Variants in ESAM observed in about 807,000 individuals in gnomAD.
ESAM encodes endothelial cell adhesion molecule.
ESAM carries 23 observed loss-of-function variants against 31.8 expected under a neutral mutation model. The observed-to-expected ratio is 0.72, with a 90% CI of 0.52 to 1.03. The LOEUF (loss-of-function observed/expected upper bound fraction) is 1.03. Among genes scored for constraint, ESAM ranks in the 50% least tolerant of loss-of-function variants. The pLI, the probability that ESAM is intolerant of heterozygous loss-of-function variation, is 0.00. For synonymous variants in ESAM, 216 were observed against 207.2 expected, an observed-to-expected ratio of 1.04 and a Z score of -0.37; for missense variants, 478 against 488.9, an observed-to-expected ratio of 0.98 and a Z score of 0.21.
Position 124,753,708 on chromosome 11 carries a change from T to C in ESAM, c.1111A>G (p.Ser371Gly), listed in dbSNP as rs1196905737. 6.2e-7 allele frequency: 1 copy of C among 1,613,980 alleles called. No homozygotes were observed. The highest frequency in any genetic ancestry group is 8.5e-7 in the Non-Finnish European group (1 of 1,180,028). ...ATCACAGGCACAGCACCCATGCGGC[T>C]CAAGCCAGAGGAAGAAACCCCACCA... ...IPGGVSSSGL[S>G]RMGAVPVMVP... The change falls in exon 7 of 7, where the codon AGC becomes GGC. Residue 371 changes from serine (S) to glycine (G), a missense_variant. Physicochemically the swap from Ser to Gly is moderately conservative, Grantham distance 56 (BLOSUM62 0). Transcript: ENST00000278927.
chr11:124,755,721 A>G (rs750320003), intron 4 of ESAM, among the ~76,000 whole-genome samples: 30 of 152,226 alleles, frequency 2.0e-4, no homozygotes, highest in Non-Finnish European at 4.0e-4. Flanking sequence ...AATCTCCAAA[A>G]AAGCAGTACG....
At chr11:124,755,767 A>G (rs1352761454) in intron 4 of ESAM, among the ~76,000 whole-genome samples, 1 of 152,270 alleles carries the variant, frequency 6.6e-6, no homozygotes, top group Non-Finnish European at 1.5e-5. Flanking sequence ...TGCCACGCCT[A>G]GGAAATTAAT....
chr11:124,758,206 G>T, intron 2 of ESAM, 143 bp downstream of exon 2: 1 of 896,508 alleles, frequency 1.1e-6, no homozygotes, highest in Non-Finnish European at 1.7e-6. Flanking sequence ...AACAAAAACT[G>T]AACTGGTGAA....
In ESAM at chr11:124,753,689, G is replaced by C. The variant is rs763548469; in HGVS notation, c.1130C>G (p.Pro377Arg). The C allele has an allele frequency of 1.2e-6, 2 of 1,613,888 alleles. No individual in the cohort carries two copies. Among genetic ancestry groups the C allele is most frequent in the Non-Finnish European group, 1.7e-6 (2 of 1,180,052 alleles). Reference protein sequence around the residue: ...SSGLSRMGAVPVMVPAQSQAG... With the variant: ...SSGLSRMGAVRVMVPAQSQAG... Reference sequence around the variant, plus strand: ...TTGACTCTGGGCAGGCACCATCACAGGCACAGCACCCATGCGGCTCAAGCC... The same window carrying C: ...TTGACTCTGGGCAGGCACCATCACACGCACAGCACCCATGCGGCTCAAGCC... Residue 377 changes from proline to arginine, a missense_variant, in exon 7 of 7, where the codon CCT (proline) becomes CGT (arginine). By Grantham distance (103) the Pro-to-Arg change is moderately radical. Transcript: ENST00000278927.
chr11:124,753,353 G>T lies in ESAM; in HGVS notation c.*293C>A. The T allele has an allele frequency of 2.4e-6, 1 of 413,876 alleles. No homozygotes were observed. The highest frequency in any genetic ancestry group is 4.4e-6 in the Non-Finnish European group (1 of 228,008). 25.6% of individuals were successfully genotyped at this position (413,876 alleles called of 1,614,324 possible). A position where few individuals can be genotyped will look rare whatever the true frequency, so the allele number is the denominator to read the frequency against. ...GGGGGCCTGGGAGACTCAGTGACTG[G>T]AAGTCTCTGCCCCTCACTCTTGGTG... is the stretch of plus-strand genomic sequence containing the variant. On this transcript the variant is annotated 3_prime_UTR_variant, in exon 7 of 7. Coordinates refer to ENST00000278927, the MANE Select transcript of ESAM (RefSeq NM_138961.3).
rs746274223 is a variant in ESAM, at chr11:124,756,351, G to T, written c.463C>A (p.Pro155Thr). Residue 155 changes from proline (P) to threonine (T), a missense_variant, in exon 4 of 7, where the codon CCT becomes ACT. Pro to Thr is a conservative substitution (Grantham distance 38). Transcript: ENST00000278927. ...LELNVLVPPA[P>T]PSCRLQGVPH... Reference sequence around the variant, plus strand: ...ACACCCTGGAGACGGCAGGATGGAGGAGCTGGAGGAACTGGGCAGGGGGAG... The same window carrying T: ...ACACCCTGGAGACGGCAGGATGGAGTAGCTGGAGGAACTGGGCAGGGGGAG... The T allele has an allele frequency of 6.2e-7, 1 of 1,604,920 alleles. No homozygotes were observed.
intron 2 of ESAM, 190 bp from the exon 3 acceptor site, chr11:124,756,932 C>G (rs1029863608): frequency 1.6e-6 from 1 of 609,262 alleles, no homozygotes; most frequent in African/African-American, 1.8e-5. Context: ...GTCCTCTTCA[C>G]CAGAACAGTT....
rs1944122587 is a variant in ESAM, at chr11:124,753,872, G to A, written c.947C>T (p.Ala316Val). ...GCCATGGGGTGGCCGGAGGGCTCGT[G>A]CGGAGGTGACAGAGGAAAGGGTCCC... The part of the protein sequence containing the change: ...KNGTLSSVTS[A>V]RALRPPHGPP... Residue 316 changes from alanine (A) to valine (V), a missense_variant, in exon 7 of 7, where the codon GCA becomes GTA. Ala to Val is a moderately conservative substitution (Grantham distance 64, BLOSUM62 0). Coordinates refer to ENST00000278927, the MANE Select transcript of ESAM (RefSeq NM_138961.3). The A allele has an allele frequency of 6.2e-7, 1 of 1,613,992 alleles. No homozygotes were observed. Among genetic ancestry groups the A allele is most frequent in the African/African-American group, 1.3e-5 (1 of 74,936 alleles).
Position 124,754,736 on chromosome 11 carries a change from G to A in ESAM, c.635C>T (p.Thr212Ile). ...LDVIRGSLSL[T>I]NLSSSMAGVY... ...TCCAGCCATGGAAGACGAAAGGTTG[G>A]TGAGGCTTAAAGACCCACGGATGAC... is the stretch of plus-strand genomic sequence containing the variant. Residue 212 changes from threonine (T) to isoleucine (I), a missense_variant, in exon 5 of 7, where the codon ACC (threonine) becomes ATC (isoleucine). By Grantham distance (89) the Thr-to-Ile change is moderately conservative. Transcript: ENST00000278927. This position sits in a 1 kb window ranked among gnomAD's most constrained non-coding sequence, Gnocchi z 4.5. 1 of 1,614,044 alleles carries A rather than the reference G, an allele frequency of 6.2e-7. No individual in the cohort carries two copies. The highest frequency in any genetic ancestry group is 1.1e-5 in the South Asian group (1 of 91,058).
intron 4 of ESAM, 85 bp downstream of exon 4, chr11:124,756,122 C>T (rs1420227523): frequency 1.3e-6 from 2 of 1,576,292 alleles, no homozygotes. Flanking sequence ...AGCCTTGGCT[C>T]CCCTTTTCAC....
rs1944135213 is a variant in ESAM, at chr11:124,754,727, G to A, written c.644C>T (p.Ser215Leu). 1.2e-6 allele frequency: 2 copies of A among 1,614,016 alleles called. No individual in the cohort carries two copies. Among genetic ancestry groups the A allele is most frequent in the East Asian group, 2.2e-5 (1 of 44,870 alleles). Reference sequence around the variant, plus strand: ...GACATAGACTCCAGCCATGGAAGACGAAAGGTTGGTGAGGCTTAAAGACCC... The same window carrying A: ...GACATAGACTCCAGCCATGGAAGACAAAAGGTTGGTGAGGCTTAAAGACCC... The part of the protein sequence containing the change: ...IRGSLSLTNL[S>L]SSMAGVYVCK... The change falls in exon 5 of 7, where the codon TCG becomes TTG. Residue 215 changes from serine to leucine, a missense_variant. Physicochemically the swap from Ser to Leu is moderately radical, Grantham distance 145 (BLOSUM62 -2). Transcript: ENST00000278927. The surrounding 1 kb of genome is among the most constrained non-coding windows in gnomAD (Gnocchi z 4.5).
intron 2 of ESAM, 59 bp from the exon 3 acceptor site, chr11:124,756,801 C>G (rs1281898171): frequency 2.0e-6 from 3 of 1,519,356 alleles, no homozygotes; most frequent in Non-Finnish European, 2.7e-6. Context: ...TGCCTACAGG[C>G]TCAGCCACTC....
At chr11:124,760,974 G>A (rs1007200983) in intron 1 of ESAM, among the ~76,000 whole-genome samples, 1 of 152,148 alleles carries the variant, frequency 6.6e-6, no homozygotes, top group Non-Finnish European at 1.5e-5. Context: ...TGGCCTGGGG[G>A]GCTGTACTTG....
rs1196046819 is a variant in ESAM at position 124,753,880 on chromosome 11, GACAGAGGAA to G, written c.930_938del (p.Ser311_Val313del). 1.2e-6 allele frequency: 2 copies of G among 1,614,008 alleles called. No individual in the cohort carries two copies. Among genetic ancestry groups the G allele is most frequent in the Admixed American group, 3.3e-5 (2 of 60,004 alleles). ...GTGGCCGGAGGGCTCGTGCGGAGGTGACAGAGGAAAGGGTCCCATTCTTGGAGATTGTGT... is the reference window on the plus strand; with the variant it reads ...GTGGCCGGAGGGCTCGTGCGGAGGTGAGGGTCCCATTCTTGGAGATTGTGT... On this transcript the variant is annotated inframe_deletion, in exon 7 of 7. Transcript: ENST00000278927.
At chr11:124,757,103 G>T (rs990971791) in intron 2 of ESAM, 1 of 228,326 alleles carries the variant, frequency 4.4e-6, no homozygotes, top group Admixed American at 5.3e-5. Flanking sequence ...AATGGGGAAG[G>T]CATCTTGGAG....
intron 4 of ESAM, among the ~76,000 whole-genome samples, chr11:124,755,517 A>C (rs761665770): frequency 6.6e-6 from 1 of 152,192 alleles, no homozygotes; most frequent in African/African-American, 2.4e-5. Context: ...ATTTCCCAAC[A>C]AACCTGTGAG....
Position 124,754,293 on chromosome 11 carries a change from C to T in ESAM, c.778G>A (p.Gly260Arg), listed in dbSNP as rs1186295355. The change falls in exon 6 of 7, where the codon GGA becomes AGA. Residue 260 changes from glycine (G) to arginine (R), a missense_variant. Coordinates refer to ENST00000278927, the MANE Select transcript of ESAM (RefSeq NM_138961.3). The surrounding 1 kb of genome is among the most constrained non-coding windows in gnomAD (Gnocchi z 4.5). ...VAGAVVGTLV[G>R]LGLLAGLVLL... The stretch of plus-strand genomic sequence containing the variant: ...ACCAGCCCAGCCAGCAACCCCAGTC[C>T]AACCAGGGTACCCACAACAGCTCCA... 2 of 1,614,114 alleles carry T rather than the reference C, an allele frequency of 1.2e-6. No homozygotes were observed. Among genetic ancestry groups the T allele is most frequent in the African/African-American group, 1.3e-5 (1 of 75,040 alleles).
chr11:124,753,640 G>A lies in ESAM; in HGVS notation c.*6C>T. The A allele has an allele frequency of 6.2e-7, 1 of 1,613,356 alleles. No individual in the cohort carries two copies. Among genetic ancestry groups the A allele is most frequent in the Non-Finnish European group, 8.5e-7 (1 of 1,180,032 alleles). On this transcript the variant is annotated 3_prime_UTR_variant, in exon 7 of 7. Coordinates refer to ENST00000278927, the MANE Select transcript of ESAM (RefSeq NM_138961.3). ...CAAATCCTTTAGCCAATGAGTGGTG[G>A]GGTCATCATACCAGAGAGCCAGCTT...
chr11:124,760,317 C>A (rs931306983), intron 1 of ESAM, among the ~76,000 whole-genome samples: 1 of 152,208 alleles, frequency 6.6e-6, no homozygotes, highest in Non-Finnish European at 1.5e-5. Context: ...CTGGTTGGGT[C>A]TGATCGAAGG....
Sources: allele counts gnomAD v4.1 joint callset (sites outside exome capture counted in the v4.1 genomes callset), GRCh38; gene constraint gnomAD v4.1.1; non-coding constraint Gnocchi (gnomAD v3.1); transcripts MANE v1.5; gene names NCBI Gene and HGNC (gene_info 2026-07-23, HGNC 2026-07-21).